MAML3: variants seen among roughly 807,000 people sequenced by gnomAD.
MAML3 encodes mastermind like transcriptional coactivator 3, also known as mastermind-like protein 3.
A neutral mutation model predicts 101.9 loss-of-function variants in MAML3; 27 were observed. That is an observed-to-expected ratio of 0.27 (90% CI 0.20 to 0.37). The LOEUF is 0.37. Among genes scored for constraint, MAML3 ranks in the 10% least tolerant of loss-of-function variants. The pLI is 1.00. For missense variants in MAML3, 1,316 were observed against 1,444.9 expected, an observed-to-expected ratio of 0.91 and a Z score of 1.45; for synonymous variants, 501 against 555.9, an observed-to-expected ratio of 0.90 and a Z score of 1.39.
intron 2 of MAML3, among the ~76,000 whole-genome samples, chr4:139,847,934 T>C (rs571127356): frequency 1.3e-5 from 2 of 152,312 alleles, no homozygotes; most frequent in African/African-American, 4.8e-5. Flanking sequence ...GTATGTTTGA[T>C]CTGGACAGGA....
chr4:139,922,592 C>G (rs1472661270), intron 1 of MAML3, among the ~76,000 whole-genome samples: 1 of 152,216 alleles, frequency 6.6e-6, no homozygotes, highest in African/African-American at 2.4e-5. Context: ...AAAAGTGAAT[C>G]ATTCCCTCTG....
chr4:140,104,228 T>C (rs1196633148), intron 1 of MAML3, among the ~76,000 whole-genome samples: 2 of 148,738 alleles, frequency 1.3e-5, no homozygotes, highest in Non-Finnish European at 3.0e-5. Flanking sequence ...CTACAAAAAA[T>C]TTAAAAAATT....
intron 1 of MAML3, among the ~76,000 whole-genome samples, chr4:140,029,756 A>C (rs1265161428): frequency 6.6e-6 from 1 of 152,232 alleles, no homozygotes. Flanking sequence ...GGAAATATGT[A>C]TATTTTTCTT....
At chr4:140,088,852 G>A (rs1727999810) in intron 1 of MAML3, among the ~76,000 whole-genome samples, 1 of 152,190 alleles carries the variant, frequency 6.6e-6, no homozygotes, top group Admixed American at 6.5e-5. Context: ...TGTAAGCTGA[G>A]TAAAATCAGT....
chr4:140,065,752 T>C (rs1053236895), intron 1 of MAML3, among the ~76,000 whole-genome samples: 1 of 152,178 alleles, frequency 6.6e-6, no homozygotes, highest in Admixed American at 6.5e-5. Flanking sequence ...TATCAAAAGC[T>C]ATAGACCAAT....
intron 1 of MAML3, among the ~76,000 whole-genome samples, chr4:140,084,309 C>T (rs1424755183): frequency 6.6e-6 from 1 of 152,192 alleles, no homozygotes; most frequent in East Asian, 1.9e-4. Context: ...TTGTTACAAT[C>T]ACTTAAATAT....
At chr4:139,767,147 C>CT (rs2111061950) in intron 2 of MAML3, among the ~76,000 whole-genome samples, 1 of 152,320 alleles carries the variant, frequency 6.6e-6, no homozygotes, top group East Asian at 1.9e-4. Flanking sequence ...CCAGCGGGTA[C>CT]AGGTAATTAA....
At chr4:139,933,306 G>A (rs1057490249) in intron 1 of MAML3, among the ~76,000 whole-genome samples, 2 of 152,092 alleles carry the variant, frequency 1.3e-5, no homozygotes, top group African/African-American at 2.4e-5. Context: ...CTCAGGGCCC[G>A]CCCATGAGCA....
chr4:140,062,540 T>A (rs1339536519), intron 1 of MAML3, among the ~76,000 whole-genome samples: 1 of 152,214 alleles, frequency 6.6e-6, no homozygotes, highest in African/African-American at 2.4e-5. Flanking sequence ...CTCTGAGAGT[T>A]TTCTGTCTGC....
chr4:140,130,569 G>A (rs1401485625), intron 1 of MAML3, among the ~76,000 whole-genome samples: 1 of 152,210 alleles, frequency 6.6e-6, no homozygotes, highest in Non-Finnish European at 1.5e-5. Context: ...TGAAAGAAGA[G>A]TTTTACTTAA....
chr4:140,104,392 ATAT>A (rs1728307939), intron 1 of MAML3, among the ~76,000 whole-genome samples: 1 of 56,546 alleles, frequency 1.8e-5, no homozygotes, highest in Non-Finnish European at 4.7e-5. Context: ...TATATATTAT[ATAT>A]TATATAATAT....
chr4:140,139,454 G>A (rs1432649828), intron 1 of MAML3, among the ~76,000 whole-genome samples: 4 of 152,088 alleles, frequency 2.6e-5, no homozygotes, highest in Non-Finnish European at 4.4e-5. Context: ...CACTTTGGGA[G>A]TCTAAGGCAG....
At chr4:139,813,789 T>G (rs1730845603) in intron 2 of MAML3, among the ~76,000 whole-genome samples, 1 of 152,024 alleles carries the variant, frequency 6.6e-6, no homozygotes, top group African/African-American at 2.4e-5. Flanking sequence ...GATGCAGGAC[T>G]CCAGAAGGAA....
At chr4:139,789,368 G>C (rs1023153029) in intron 2 of MAML3, among the ~76,000 whole-genome samples, 5 of 152,170 alleles carry the variant, frequency 3.3e-5, no homozygotes, top group Admixed American at 6.5e-5. Context: ...CTTCACAAAG[G>C]GTGTTGGAGC....
intron 1 of MAML3, among the ~76,000 whole-genome samples, chr4:140,109,514 G>A (rs1728406071): frequency 6.6e-6 from 1 of 152,162 alleles, no homozygotes; most frequent in Admixed American, 6.5e-5. Context: ...CAAGGGGGAA[G>A]CAGAAAGGCA....
intron 1 of MAML3, among the ~76,000 whole-genome samples, chr4:139,952,133 C>T (rs975259904): frequency 1.3e-5 from 2 of 151,964 alleles, no homozygotes; most frequent in African/African-American, 4.8e-5. Context: ...CCATTGCACT[C>T]CAGCCTAAGG....
At chr4:139,803,070 A>AC (rs1462596716) in intron 2 of MAML3, among the ~76,000 whole-genome samples, 5 of 152,204 alleles carry the variant, frequency 3.3e-5, no homozygotes, top group Non-Finnish European at 7.3e-5. Context: ...CATGCTTAAT[A>AC]ACAGGAAGTG....
chr4:139,989,846 A>C (rs7675956), intron 1 of MAML3, among the ~76,000 whole-genome samples: 72,963 of 129,450 alleles, frequency 0.56, 18,512 homozygotes, highest in East Asian at 0.68. Flanking sequence ...ACCACACACA[A>C]ACAAACACAC....
chr4:140,054,814 C>T (rs912395681), intron 1 of MAML3, among the ~76,000 whole-genome samples: 4 of 152,202 alleles, frequency 2.6e-5, no homozygotes, highest in Non-Finnish European at 4.4e-5. Context: ...TGAGTCCCCA[C>T]CTCTGTCTTC....
Sources: gnomAD v4.1 joint callset for allele counts (sites outside exome capture counted in the v4.1 genomes callset) on GRCh38, gnomAD v4.1.1 for gene constraint, MANE v1.5 for transcripts, NCBI Gene and HGNC (gene_info 2026-07-23, HGNC 2026-07-21) for gene names.